The following RANGAP1 variants were observed in gnomAD, a reference collection of about 807,000 sequenced individuals.
RANGAP1 encodes the protein ran GTPase-activating protein 1.
Under a neutral mutation model 63.5 loss-of-function variants are expected in RANGAP1, and 38 were observed. The ratio of observed to expected loss-of-function variants is 0.60; its 90% CI spans 0.46 to 0.78. The LOEUF is 0.78. RANGAP1 is among the 30% of genes least tolerant of loss of function. The pLI is 0.00. For synonymous variants in RANGAP1, 329 were observed against 310.5 expected (o/e 1.06, Z -0.63); for missense variants, 630 against 740.3 (o/e 0.85, Z 1.73).
intron 13 of RANGAP1, 85 bp downstream of exon 13, chr22:41,250,922 C>T (rs567068633): frequency 2.7e-5 from 31 of 1,152,210 alleles, no homozygotes; most frequent in South Asian, 7.7e-5. Flanking sequence ...CTGGGGCTGA[C>T]GAGTTACGGC....
At chr22:41,299,428 G>C in the RANGAP1 span, among the ~76,000 whole-genome samples, 1 of 151,786 alleles carries the variant, frequency 6.6e-6, no homozygotes, top group South Asian at 2.1e-4. Context: ...CACCGCGCCC[G>C]GCCTAATTTT....
At position 41,254,488 on chromosome 22, in the gene RANGAP1, G is replaced by T; in HGVS notation, c.1080C>A (p.Asp360Glu). The T allele has an allele frequency of 6.3e-7, 1 of 1,588,682 alleles. No individual in the cohort carries two copies. ...MAKVLASLSD[D>E]EDEEEEEEGE... ...CTTCCTCCTCCTCCTCCTCGTCCTC[G>T]TCATCACTGCAGAAAGAGCTGGCTG... Residue 360 changes from aspartate (D) to glutamate (E), a missense_variant, in exon 11 of 16, where the codon GAC (aspartate) becomes GAA (glutamate). Physicochemically the swap from Asp to Glu is conservative, Grantham distance 45. Around this residue, in one of 3 missense-constraint regions of RANGAP1, gnomAD observed 428 missense variants for 465.5 expected, o/e 0.92. Coordinates refer to ENST00000356244, the MANE Select transcript of RANGAP1 (RefSeq NM_002883.4).
chr22:41,282,228 G>A (rs1158868498), intron 1 of RANGAP1: 1 of 152,208 alleles, frequency 6.6e-6, no homozygotes, highest in African/African-American at 2.4e-5. Context: ...TTTGAGCCCA[G>A]GAGTTCAAAG....
intron 4 of RANGAP1, among the ~76,000 whole-genome samples, chr22:41,266,400 G>C (rs2034479075): frequency 1.3e-5 from 2 of 152,208 alleles, no homozygotes. Flanking sequence ...TCAAGTAAAA[G>C]AAAACAAAAA....
At chr22:41,259,536 T>C (rs1022515301) in intron 6 of RANGAP1, among the ~76,000 whole-genome samples, 3 of 152,364 alleles carry the variant, frequency 2.0e-5, no homozygotes, top group African/African-American at 4.8e-5. Flanking sequence ...GCTGTAGTGA[T>C]ATACAAACTT....
chr22:41,254,476 C>CTCCTCG lies in RANGAP1; in HGVS notation c.1086_1091dup (p.Asp362_Glu363dup). 1.3e-6 allele frequency: 2 copies of CTCCTCG among 1,597,696 alleles called. No individual in the cohort carries two copies. The highest frequency in any genetic ancestry group is 1.1e-5 in the South Asian group (1 of 88,502). ...CTTCCTCTTCTCCTTCCTCCTCCTC[C>CTCCTCG]TCCTCGTCCTCGTCATCACTGCAGA... On this transcript the variant is annotated inframe_insertion, in exon 11 of 16. Coordinates refer to ENST00000356244, the MANE Select transcript of RANGAP1 (RefSeq NM_002883.4).
At chr22:41,291,117 C>T (rs1398630890), upstream of RANGAP1, among the ~76,000 whole-genome samples, 1 of 152,248 alleles carries the variant, frequency 6.6e-6, no homozygotes, top group African/African-American at 2.4e-5. Context: ...TACAATAATT[C>T]ATTTGTTCTA....
intron 13 of RANGAP1, 92 bp from the exon 14 acceptor site, chr22:41,249,909 G>A: frequency 8.8e-7 from 1 of 1,130,674 alleles, no homozygotes; most frequent in Non-Finnish European, 1.3e-6. Flanking sequence ...CGCAGACACA[G>A]GCTCGCCTGC....
Position 41,256,261 on chromosome 22 carries a change from C to T in RANGAP1, c.918G>A (p.Lys306=), listed in dbSNP as rs1213120942. ...KELNLSFCEI[K]RDAALAVAEA... ...CAGCAACAGCCAGGGCAGCATCCCT[C>T]TTGATTTCACAGAATGACAAGTTCA... The change falls in exon 9 of 16, where the codon AAG becomes AAA. Residue 306 remains lysine, a synonymous_variant. Transcript: ENST00000356244. 1.2e-6 allele frequency: 2 copies of T among 1,614,144 alleles called. No individual in the cohort carries two copies. The highest frequency in any genetic ancestry group is 8.5e-7 in the Non-Finnish European group (1 of 1,180,026).
intron 3 of RANGAP1, among the ~76,000 whole-genome samples, chr22:41,274,122 G>A (rs1186070152): frequency 6.6e-6 from 1 of 152,148 alleles, no homozygotes; most frequent in Non-Finnish European, 1.5e-5. Flanking sequence ...AGGAGTGTAG[G>A]GAGCTGGCAG....
chr22:41,268,157 C>A lies in RANGAP1; in HGVS notation c.241-1G>T. 6.5e-7 allele frequency: 1 copy of A among 1,550,098 alleles called. No homozygotes were observed. Among genetic ancestry groups the A allele is most frequent in the South Asian group, 1.2e-5 (1 of 84,108 alleles). ...TGAACATGTCACTCCAGTGGCAGCG[C>A]TGCAACGGAAAGAAGAGAAGAGTTA... On this transcript the variant is annotated splice_acceptor_variant, in intron 3 of 15. Transcript: ENST00000356244. LOFTEE classifies it high-confidence loss of function.
At chr22:41,299,182 G>C in the RANGAP1 span, among the ~76,000 whole-genome samples, 1 of 151,986 alleles carries the variant, frequency 6.6e-6, no homozygotes, top group Non-Finnish European at 1.5e-5. Flanking sequence ...GCCCAGGCTG[G>C]AATGCAGTGG....
chr22:41,280,276 T>C (rs899063516), intron 2 of RANGAP1, among the ~76,000 whole-genome samples: 1 of 152,152 alleles, frequency 6.6e-6, no homozygotes, highest in African/African-American at 2.4e-5. Flanking sequence ...CCAGTTCCCC[T>C]GGTTGGGCCA....
At chr22:41,266,252 T>TGAAGCAACCAC (rs2034471145) in intron 4 of RANGAP1, among the ~76,000 whole-genome samples, 3 of 150,790 alleles carry the variant, frequency 2.0e-5, no homozygotes, top group African/African-American at 7.3e-5. Flanking sequence ...AACTGACCTC[T>TGAAGCAACCAC]AGCTGCTCAA....
chr22:41,290,527 C>T (rs1278732041), upstream of RANGAP1, among the ~76,000 whole-genome samples: 3 of 152,104 alleles, frequency 2.0e-5, no homozygotes, highest in South Asian at 2.1e-4. Flanking sequence ...CCATTTCCGG[C>T]CTTCTAGGGT....
chr22:41,279,315 A>G (rs1468937330), intron 2 of RANGAP1, among the ~76,000 whole-genome samples: 1 of 152,074 alleles, frequency 6.6e-6, no homozygotes, highest in Non-Finnish European at 1.5e-5. Context: ...ACTAAAATAC[A>G]AAAAATTAGC....
chr22:41,282,150 T>C (rs1454602031), intron 1 of RANGAP1: 2 of 151,838 alleles, frequency 1.3e-5, no homozygotes, highest in African/African-American at 4.9e-5. Flanking sequence ...AAATAAAAAT[T>C]AGCTGGGTGT....
At chr22:41,260,352 G>T (rs938208124) in intron 6 of RANGAP1, among the ~76,000 whole-genome samples, 7 of 152,076 alleles carry the variant, frequency 4.6e-5, no homozygotes, top group African/African-American at 1.7e-4. Flanking sequence ...TGGCAGTGAG[G>T]CCCCCACCAG....
chr22:41,265,228 G>A (rs932034209), intron 4 of RANGAP1, among the ~76,000 whole-genome samples: 3 of 152,216 alleles, frequency 2.0e-5, no homozygotes, highest in African/African-American at 7.2e-5. Flanking sequence ...AAGAAGCCGT[G>A]GCATGGGCTT....
Sources: gnomAD v4.1 joint callset for allele counts (sites outside exome capture counted in the v4.1 genomes callset) on GRCh38, gnomAD v4.1.1 for gene constraint, gnomAD v4.1.1 regional missense constraint, MANE v1.5 for transcripts, NCBI Gene and HGNC (gene_info 2026-07-23, HGNC 2026-07-21) for gene names.